Variants in MASP1 observed in about 807,000 individuals in gnomAD.
The protein encoded by MASP1 is mannan-binding lectin serine protease 1.
In MASP1, 59 loss-of-function variants were observed where a neutral mutation model predicts 77.1. The ratio of observed to expected loss-of-function variants is 0.77; its 90% CI spans 0.62 to 0.95. The LOEUF is 0.95. MASP1 is among the 40% of genes least tolerant of loss of function. MASP1 has a pLI of 0.00. For synonymous variants in MASP1, 362 were observed against 354.5 expected (o/e 1.02, Z -0.24); for missense variants, 885 against 912.9 (o/e 0.97, Z 0.39).
At chr3:187,264,732 CT>C (rs1715878385) in intron 2 of MASP1, among the ~76,000 whole-genome samples, 1 of 152,090 alleles carries the variant, frequency 6.6e-6, no homozygotes, top group Non-Finnish European at 1.5e-5. Context: ...ATTCACTGTA[CT>C]TTTCTGTCTG....
intron 8 of MASP1, 170 bp from the exon 9 acceptor site, chr3:187,243,791 G>A: frequency 1.3e-6 from 1 of 773,120 alleles, no homozygotes; most frequent in Non-Finnish European, 2.2e-6. Flanking sequence ...TACAGCCTGT[G>A]AAGCTACCCA....
rs544579140 is a variant in MASP1 at position 187,235,712 on chromosome 3, C to T, written c.2159G>A (p.Ser720Asn). 1 of 1,614,186 alleles carries T rather than the reference C, an allele frequency of 6.2e-7. No homozygotes were observed. Among genetic ancestry groups the T allele is most frequent in the African/African-American group, 1.3e-5 (1 of 75,038 alleles). The change falls in exon 11 of 11, where the codon AGT becomes AAT. Residue 720 changes from serine to asparagine, a missense_variant. By Grantham distance (46) the Ser-to-Asn change is conservative (BLOSUM62 1). Transcript: ENST00000296280. ...WVWEQMGLPQ[S>N]VVEPQVER ...CCGTTCCACCTGGGGCTCCACAACACTTTGTGGTAAGCCCATCTGCTCCCA... is the reference window on the plus strand; with the variant it reads ...CCGTTCCACCTGGGGCTCCACAACATTTTGTGGTAAGCCCATCTGCTCCCA...
At chr3:187,289,349 G>A (rs1718118177) in intron 1 of MASP1, among the ~76,000 whole-genome samples, 1 of 152,094 alleles carries the variant, frequency 6.6e-6, no homozygotes, top group Non-Finnish European at 1.5e-5. Context: ...GGACTGCATG[G>A]ATCCTTTACA....
chr3:187,291,436 C>T (rs549085146), intron 1 of MASP1, 192 bp downstream of exon 1: 1 of 693,768 alleles, frequency 1.4e-6, no homozygotes, highest in East Asian at 2.7e-5. Context: ...TTTTATGTCT[C>T]CTGGAGTCCT....
downstream of MASP1, among the ~76,000 whole-genome samples, chr3:187,230,749 G>A (rs1712718281): frequency 6.6e-6 from 1 of 152,208 alleles, no homozygotes; most frequent in Non-Finnish European, 1.5e-5. Context: ...TCATCATTCA[G>A]CTAAAGAAAC....
rs777909354 is a variant in MASP1, at chr3:187,234,112, T to C, written c.*1572A>G. On this transcript the variant is annotated 3_prime_UTR_variant, in exon 11 of 11. Transcript: ENST00000296280. Reference sequence around the variant, plus strand: ...GTTATCCACGAGGGTTTATTTCCACTTGAGACCCCTGATGGGAGCAACAAT... The same window carrying C: ...GTTATCCACGAGGGTTTATTTCCACCTGAGACCCCTGATGGGAGCAACAAT... The C allele has an allele frequency of 7.0e-6, 9 of 1,281,384 alleles. No homozygotes were observed. In the South Asian group the frequency reaches 7.5e-5, roughly 11 times the overall value. The allele number at this position is 1,281,384 out of a possible 1,614,324, so 79.4% of individuals were successfully genotyped here.
chr3:187,249,871 A>G (rs540994343), intron 8 of MASP1, among the ~76,000 whole-genome samples: 1 of 152,218 alleles, frequency 6.6e-6, no homozygotes, highest in Non-Finnish European at 1.5e-5. Flanking sequence ...GCTGATGGCC[A>G]TGTGAAGACT....
chr3:187,254,295 A>G (rs1714883938), intron 5 of MASP1, among the ~76,000 whole-genome samples: 1 of 152,252 alleles, frequency 6.6e-6, no homozygotes, highest in African/African-American at 2.4e-5. Flanking sequence ...TATAATAGAT[A>G]ATAACTTTAG....
intron 8 of MASP1, among the ~76,000 whole-genome samples, chr3:187,248,624 C>T (rs978685293): frequency 1.3e-5 from 2 of 152,178 alleles, no homozygotes; most frequent in African/African-American, 2.4e-5. Flanking sequence ...CAGCACTGCA[C>T]CTCGAGCCTC....
At chr3:187,220,078 C>T in exon 16 of MASP1, 1 of 1,613,566 alleles carries the variant, frequency 6.2e-7, no homozygotes, top group Middle Eastern at 1.8e-4. Flanking sequence ...AATTCAGTTC[C>T]TCACTCCGGT....
intron 10 of MASP1, among the ~76,000 whole-genome samples, chr3:187,238,313 C>G (rs1713339438): frequency 6.6e-6 from 1 of 152,240 alleles, no homozygotes; most frequent in Non-Finnish European, 1.5e-5. Context: ...AAGTGACTTA[C>G]TCAAGGTTGT....
intron 9 of MASP1, 138 bp downstream of exon 9, chr3:187,243,346 G>C: frequency 1.2e-6 from 1 of 855,260 alleles, no homozygotes. Flanking sequence ...TGAGATGTGT[G>C]AGTGACACGT....
intron 2 of MASP1, among the ~76,000 whole-genome samples, chr3:187,278,426 G>T (rs573352435): frequency 2.6e-5 from 4 of 152,316 alleles, no homozygotes; most frequent in East Asian, 1.9e-4. Flanking sequence ...CTTCACCAAG[G>T]TTCCTCACTC....
At chr3:187,264,558 T>C (rs1442993356) in intron 2 of MASP1, among the ~76,000 whole-genome samples, 2 of 152,228 alleles carry the variant, frequency 1.3e-5, no homozygotes, top group Non-Finnish European at 2.9e-5. Flanking sequence ...AGGGACATTG[T>C]TATGAATGTC....
intron 2 of MASP1, among the ~76,000 whole-genome samples, chr3:187,266,111 G>C (rs182021623): frequency 1.3e-5 from 2 of 152,266 alleles, no homozygotes; most frequent in East Asian, 3.9e-4. Context: ...TAATAATGGA[G>C]ACCCATGTGG....
rs1221102431 is a variant in MASP1, at chr3:187,260,770, A to T, written c.518T>A (p.Ile173Asn). 6.2e-7 allele frequency: 1 copy of T among 1,613,984 alleles called. No individual in the cohort carries two copies. The highest frequency in any genetic ancestry group is 1.3e-5 in the African/African-American group (1 of 74,892). Residue 173 changes from isoleucine (I) to asparagine (N), a missense_variant, in exon 4 of 11, where the codon ATC becomes AAC. By Grantham distance (149) the Ile-to-Asn change is moderately radical (BLOSUM62 -3). Coordinates refer to ENST00000296280, the MANE Select transcript of MASP1 (RefSeq NM_139125.4). ...GYYCSCRFGY[I>N]LHTDNRTCRV... ...GCAGGTCCTGTTGTCTGTGTGGAGG[A>T]TGTAGCCGAAGCGGCAGGAGCAGTA...
chr3:187,224,665 T>C (rs552691370), intron 13 of MASP1, among the ~76,000 whole-genome samples: 49 of 152,216 alleles, frequency 3.2e-4, no homozygotes, highest in Non-Finnish European at 6.8e-4. Flanking sequence ...TATTAAGCCA[T>C]TGTCCCCCAG....
chr3:187,287,757 T>C (rs1026272146), intron 1 of MASP1, among the ~76,000 whole-genome samples: 8 of 152,210 alleles, frequency 5.3e-5, no homozygotes, highest in Admixed American at 4.6e-4. Flanking sequence ...TGGGAAACCA[T>C]ACCAGCATCT....
Position 187,234,679 on chromosome 3 carries a change from G to A in MASP1, c.*1005C>T, listed in dbSNP as rs1179837872. ...CCCAGGGATGCCAGGCAGCCTGGCA[G>A]GATTTGGGTGACTTCTAATGTGCCC... On this transcript the variant is annotated 3_prime_UTR_variant, in exon 11 of 11. Transcript: ENST00000296280. 1.6e-6 allele frequency: 2 copies of A among 1,287,108 alleles called. No individual in the cohort carries two copies. Among genetic ancestry groups the A allele is most frequent in the Non-Finnish European group, 1.0e-6 (1 of 988,698 alleles). The allele number at this position is 1,287,108 out of a possible 1,614,324, so 79.7% of individuals were successfully genotyped here.
Sources: allele counts gnomAD v4.1 joint callset (sites outside exome capture counted in the v4.1 genomes callset), GRCh38; gene constraint gnomAD v4.1.1; transcripts MANE v1.5; gene names NCBI Gene and HGNC (gene_info 2026-07-23, HGNC 2026-07-21).